Variants in TENM3 observed in about 807,000 individuals in gnomAD.
TENM3 encodes teneurin transmembrane protein 3, also known as teneurin-3.
Under a neutral mutation model 255.1 loss-of-function variants are expected in TENM3, and 63 were observed. The ratio of observed to expected loss-of-function variants is 0.25; its 90% confidence interval spans 0.20 to 0.30. The LOEUF (loss-of-function observed/expected upper bound fraction) is 0.30. TENM3 is among the 10% of genes least tolerant of loss of function. The pLI is 1.00. For synonymous variants in TENM3, 1,306 were observed against 1,322.3 expected (o/e 0.99, Z 0.27); for missense variants, 2,929 against 3,461.1 (o/e 0.85, Z 3.86).
chr4:181,556,589 G>T, the TENM3 span, among the ~76,000 whole-genome samples: 1 of 152,016 alleles, frequency 6.6e-6, no homozygotes, highest in Non-Finnish European at 1.5e-5. Context: ...AGTTTTTAAT[G>T]TGCATTCATA....
rs115573010 is a variant in TENM3 at position 182,745,431 on chromosome 4, A to G, written c.3629+2012A>G. On this transcript the variant is annotated intron_variant, in intron 19 of 27. Transcript: ENST00000511685. ...AAGAGGAAAGACAGACAGGTTGCAC[A>G]CCAAGTAAATGTGAAAATGCTGGAG... 1.1e-3 allele frequency among the ~76,000 whole-genome samples: 174 copies of G among 152,342 alleles called. 1 individual carries two copies. The highest frequency in any genetic ancestry group is 2.0e-3 in the Non-Finnish European group (139 of 68,022).
At chr4:181,516,906 A>T in the TENM3 span, among the ~76,000 whole-genome samples, 1 of 152,184 alleles carries the variant, frequency 6.6e-6, no homozygotes, top group Admixed American at 6.5e-5. Flanking sequence ...TTTTACAGAT[A>T]AAAGAACTAA....
Position 182,783,170 on chromosome 4 carries a change from G to A in TENM3, c.5305-5923G>A, listed in dbSNP as rs534191062. Reference sequence around the variant, plus strand: ...TAGTCTTGATGGTCTTTACATTTTGGCATGACTTTGCAGCAGCTGGTACTG... The same window carrying A: ...TAGTCTTGATGGTCTTTACATTTTGACATGACTTTGCAGCAGCTGGTACTG... On this transcript the variant is annotated intron_variant, in intron 24 of 27. Transcript: ENST00000511685. Among the ~76,000 whole-genome samples the A allele has an allele frequency of 2.1e-3, 324 of 152,204 alleles. 1 individual carries two copies. Among genetic ancestry groups the A allele is most frequent in the African/African-American group, 7.5e-3 (313 of 41,526 alleles).
chr4:182,166,337 A>C (rs560502222), intron 1 of TENM3, among the ~76,000 whole-genome samples: 5 of 152,132 alleles, frequency 3.3e-5, no homozygotes, highest in Non-Finnish European at 7.4e-5. Context: ...TGATTGAGGG[A>C]AGAGCAGGGA....
chr4:181,769,494 G>A, the TENM3 span, among the ~76,000 whole-genome samples: 1 of 152,140 alleles, frequency 6.6e-6, no homozygotes, highest in Non-Finnish European at 1.5e-5. Context: ...ATATAAATCT[G>A]TCGAGTGGTT....
the TENM3 span, among the ~76,000 whole-genome samples, chr4:181,997,997 T>C: frequency 6.6e-6 from 1 of 152,208 alleles, no homozygotes; most frequent in Non-Finnish European, 1.5e-5. Flanking sequence ...TAGATTCTTA[T>C]AGTTAAAGGA....
At chr4:182,424,945 T>G (rs542079665) in intron 3 of TENM3, among the ~76,000 whole-genome samples, 145 of 152,306 alleles carry the variant, frequency 9.5e-4, no homozygotes, top group African/African-American at 3.1e-3. Context: ...ACGTAAAAAC[T>G]GACAGTTCTC....
intron 1 of TENM3, among the ~76,000 whole-genome samples, chr4:182,311,872 G>T (rs565732060): frequency 6.6e-6 from 1 of 152,270 alleles, no homozygotes; most frequent in African/African-American, 2.4e-5. Flanking sequence ...CCATCTTTAA[G>T]GCACTTTTTA....
rs115513574 is a variant in TENM3 at position 182,203,705 on chromosome 4, C to T, written c.-76+58951C>T. Among the ~76,000 whole-genome samples, 702 of 152,260 alleles carry T rather than the reference C, an allele frequency of 4.6e-3. 7 individuals carry two copies. The highest frequency in any genetic ancestry group is 0.016 in the African/African-American group (662 of 41,556). On this transcript the variant is annotated intron_variant, in intron 1 of 2. Coordinates refer to the TENM3 transcript ENST00000512480. ...AGTAGGGAGAGTTTTGGTGGCTGCA[C>T]TGGAGGGATTTGCTACAGTTCTTGC... is the stretch of plus-strand genomic sequence containing the variant.
chr4:181,660,334 G>A, the TENM3 span, among the ~76,000 whole-genome samples: 25 of 152,146 alleles, frequency 1.6e-4, no homozygotes, highest in African/African-American at 5.8e-4. Flanking sequence ...ATAATCTTCA[G>A]CGAAATGGTA....
the TENM3 span, among the ~76,000 whole-genome samples, chr4:181,495,919 A>AG: frequency 6.6e-6 from 1 of 150,842 alleles, no homozygotes; most frequent in African/African-American, 2.4e-5. Flanking sequence ...AAAAAAAAAA[A>AG]AAAGAAACAT....
At chr4:181,982,794 T>C in the TENM3 span, among the ~76,000 whole-genome samples, 16 of 152,320 alleles carry the variant, frequency 1.1e-4, no homozygotes, top group East Asian at 3.1e-3. Context: ...TTAAAAAATA[T>C]GCACCAACTG....
chr4:181,522,130 AGAAG>A, the TENM3 span, among the ~76,000 whole-genome samples: 2 of 141,494 alleles, frequency 1.4e-5, no homozygotes, highest in Non-Finnish European at 3.1e-5. Flanking sequence ...AAAAAAAAAA[AGAAG>A]AAGCTAATGT....
At chr4:181,602,544 G>T in the TENM3 span, among the ~76,000 whole-genome samples, 2 of 152,160 alleles carry the variant, frequency 1.3e-5, no homozygotes, top group Non-Finnish European at 2.9e-5. Context: ...ATCAGAAATT[G>T]AAATATTCTT....
the TENM3 span, among the ~76,000 whole-genome samples, chr4:181,807,849 C>T: frequency 1.3e-5 from 2 of 152,166 alleles, no homozygotes; most frequent in Admixed American, 1.3e-4. Context: ...CCTGTGGCTT[C>T]AGCCATTCAG....
At chr4:181,965,570 G>A in the TENM3 span, among the ~76,000 whole-genome samples, 3 of 152,102 alleles carry the variant, frequency 2.0e-5, no homozygotes, top group Admixed American at 6.6e-5. Context: ...AGACCACCAT[G>A]CCATTCTCCA....
At chr4:181,630,072 G>A in the TENM3 span, among the ~76,000 whole-genome samples, 1 of 152,206 alleles carries the variant, frequency 6.6e-6, no homozygotes, top group African/African-American at 2.4e-5. Flanking sequence ...TTTGGAGGGT[G>A]TATGTGTCGA....
At chr4:182,060,122 G>A in the TENM3 span, among the ~76,000 whole-genome samples, 2 of 151,924 alleles carry the variant, frequency 1.3e-5, no homozygotes, top group African/African-American at 2.4e-5. Context: ...CTGTAGTCCC[G>A]GCTACTCAGG....
upstream of TENM3, chr4:182,144,674 C>G (rs1354506816): frequency 6.8e-6 from 1 of 146,876 alleles, no homozygotes; most frequent in Non-Finnish European, 1.5e-5. Context: ...GAATTTGGCC[C>G]GGCGCGGTGT....
Sources: allele counts gnomAD v4.1 joint callset (sites outside exome capture counted in the v4.1 genomes callset), GRCh38; gene constraint gnomAD v4.1.1; transcripts MANE v1.5; gene names NCBI Gene and HGNC (gene_info 2026-07-23, HGNC 2026-07-21).